COL4A3: variants seen among roughly 807,000 people sequenced by gnomAD.
COL4A3 encodes the protein collagen type IV alpha 3 chain, also known as collagen alpha-3(IV) chain.
A neutral mutation model predicts 217.4 loss-of-function variants in COL4A3; 135 were observed. The ratio of observed to expected loss-of-function variants is 0.62; its 90% CI spans 0.54 to 0.72. The LOEUF is 0.72. Ranked by LOEUF, COL4A3 falls within the 30% of genes least tolerant of loss-of-function variation. COL4A3 has a pLI of 0.00. For missense variants in COL4A3, 1,868 were observed against 2,119.9 expected (o/e 0.88, Z 2.33); for synonymous variants, 690 against 736.3 (o/e 0.94, Z 1.02).
At chr2:227,198,296 T>C (rs2066559087) in intron 1 of COL4A3, among the ~76,000 whole-genome samples, 1 of 152,226 alleles carries the variant, frequency 6.6e-6, no homozygotes, top group South Asian at 2.1e-4. Context: ...TTAATCAAGC[T>C]TGGATTTGTG....
intron 1 of COL4A3, among the ~76,000 whole-genome samples, chr2:227,168,033 C>G (rs1191064415): frequency 1.3e-5 from 2 of 152,152 alleles, no homozygotes; most frequent in Admixed American, 6.5e-5. Flanking sequence ...TGGATTTTAT[C>G]CATGTTGGTA....
intron 28 of COL4A3, among the ~76,000 whole-genome samples, chr2:227,279,292 G>A (rs1346791736): frequency 1.3e-5 from 2 of 151,656 alleles, no homozygotes; most frequent in Non-Finnish European, 2.9e-5. Flanking sequence ...TGTATTTTTA[G>A]TAGAGATGGG....
intron 1 of COL4A3, among the ~76,000 whole-genome samples, chr2:227,172,425 A>G (rs2065512069): frequency 1.3e-5 from 2 of 152,116 alleles, no homozygotes; most frequent in South Asian, 2.1e-4. Flanking sequence ...CTCTCATTAT[A>G]TCCTCACAAG....
intron 42 of COL4A3, 100 bp from the exon 43 acceptor site, chr2:227,298,582 G>A (rs1258299396): frequency 2.0e-6 from 3 of 1,506,130 alleles, no homozygotes; most frequent in Admixed American, 3.4e-5. Context: ...TTGTGGCAAT[G>A]CTAAGTGAAG....
At chr2:227,285,277 T>TAAAACAAAAAAAAAAAAAAAA (rs2072245230) in intron 34 of COL4A3, among the ~76,000 whole-genome samples, 1 of 72,374 alleles carries the variant, frequency 1.4e-5, no homozygotes, top group African/African-American at 5.7e-5. Flanking sequence ...CTGCCAAACC[T>TAAAACAAAAAAAAAAAAAAAA]AAAAAAAAAA....
chr2:227,239,723 G>A (rs2068906523), intron 2 of COL4A3, among the ~76,000 whole-genome samples: 2 of 152,188 alleles, frequency 1.3e-5, no homozygotes, highest in African/African-American at 2.4e-5. Context: ...GTTCTTTCAA[G>A]CTACATAGTA....
intron 1 of COL4A3, among the ~76,000 whole-genome samples, chr2:227,209,968 G>A (rs2067250310): frequency 6.6e-6 from 1 of 152,212 alleles, no homozygotes; most frequent in Admixed American, 6.5e-5. Flanking sequence ...TAATTGGGAT[G>A]TTAGGCAAGT....
intron 41 of COL4A3, chr2:227,296,470 C>T (rs1041769266): frequency 3.1e-6 from 3 of 976,974 alleles, no homozygotes; most frequent in African/African-American, 3.5e-5. Context: ...AATGATTATG[C>T]ACCTCAATCC....
intron 1 of COL4A3, among the ~76,000 whole-genome samples, chr2:227,177,439 G>A (rs1176350723): frequency 6.6e-6 from 1 of 152,056 alleles, no homozygotes; most frequent in East Asian, 1.9e-4. Context: ...ACAGGCTTAA[G>A]CCACCTCACC....
intron 20 of COL4A3, among the ~76,000 whole-genome samples, chr2:227,262,661 G>A (rs964267787): frequency 6.6e-6 from 1 of 152,050 alleles, no homozygotes; most frequent in African/African-American, 2.4e-5. Context: ...ACCGCAAATG[G>A]GATTGCCTTC....
intron 7 of COL4A3, 54 bp downstream of exon 7, chr2:227,246,792 G>C (rs1452645820): frequency 6.9e-7 from 1 of 1,450,948 alleles, no homozygotes; most frequent in Admixed American, 1.7e-5. Flanking sequence ...AATAACAGTG[G>C]TCTACTCCAT....
chr2:227,254,798 A>C (rs2070045337), intron 15 of COL4A3, 83 bp downstream of exon 15: 2 of 986,330 alleles, frequency 2.0e-6, no homozygotes, highest in Non-Finnish European at 3.3e-6. Context: ...AAGATGCCCA[A>C]CTCAAACTAG....
intron 18 of COL4A3, among the ~76,000 whole-genome samples, chr2:227,259,589 T>G (rs1043297604): frequency 6.6e-6 from 1 of 152,264 alleles, no homozygotes. Context: ...TATCTGATAC[T>G]GTGATACCAC....
At chr2:227,192,457 C>G (rs1438845609) in intron 1 of COL4A3, among the ~76,000 whole-genome samples, 1 of 152,254 alleles carries the variant, frequency 6.6e-6, no homozygotes, top group African/African-American at 2.4e-5. Flanking sequence ...CATCTCTACC[C>G]TCTTTTCATC....
At chr2:227,233,860 T>TAGCCACTTGTTGAC (rs2068544929) in intron 1 of COL4A3, among the ~76,000 whole-genome samples, 2 of 152,038 alleles carry the variant, frequency 1.3e-5, no homozygotes, top group Admixed American at 1.3e-4. Context: ...GCAACTGTGA[T>TAGCCACTTGTTGAC]AGCCACTTGT....
rs990661922 is a variant in COL4A3 at position 227,313,955 on chromosome 2, C to T, written c.*2085C>T. ...AATCAGAAACTCTTGGGGGAGGGCC[C>T]GAAATATCTATGTTTTACCAAGCCC... On this transcript the variant is annotated 3_prime_UTR_variant, in exon 52 of 52. Transcript: ENST00000396578. 4 of 152,092 alleles carry T rather than the reference C, an allele frequency of 2.6e-5. No homozygotes were observed. Among genetic ancestry groups the T allele is most frequent in the African/African-American group, 9.7e-5 (4 of 41,368 alleles). 9.4% of individuals were successfully genotyped at this position (152,092 alleles called of 1,614,324 possible).
chr2:227,286,417 C>T (rs2072328481), intron 34 of COL4A3, among the ~76,000 whole-genome samples: 2 of 152,164 alleles, frequency 1.3e-5, no homozygotes, highest in Non-Finnish European at 2.9e-5. Flanking sequence ...ATCGCTTGAA[C>T]CTGAGAGGCA....
chr2:227,196,530 G>C (rs1048402067), intron 1 of COL4A3, among the ~76,000 whole-genome samples: 3 of 151,884 alleles, frequency 2.0e-5, no homozygotes, highest in Non-Finnish European at 2.9e-5. Context: ...TGATAGCCAG[G>C]ATGGTCTCGA....
At chr2:227,214,835 C>A (rs896901557) in intron 1 of COL4A3, among the ~76,000 whole-genome samples, 1 of 152,192 alleles carries the variant, frequency 6.6e-6, no homozygotes, top group African/African-American at 2.4e-5. Context: ...AGAGCCTTCT[C>A]ATAAACTCCT....
Sources: allele counts gnomAD v4.1 joint callset (sites outside exome capture counted in the v4.1 genomes callset), GRCh38; gene constraint gnomAD v4.1.1; transcripts MANE v1.5; gene names NCBI Gene and HGNC (gene_info 2026-07-23, HGNC 2026-07-21).